GLIS3: variants seen among roughly 807,000 people sequenced by gnomAD.
The protein encoded by GLIS3 is GLIS family zinc finger 3, also known as zinc finger protein GLIS3.
Under a neutral mutation model 78.6 loss-of-function variants are expected in GLIS3, and 53 were observed. The observed-to-expected ratio is 0.67, with a 90% CI of 0.54 to 0.85. The LOEUF (loss-of-function observed/expected upper bound fraction) is 0.85, where lower values mean the gene tolerates loss of function less well. Ranked by LOEUF, GLIS3 falls within the 40% of genes least tolerant of loss-of-function variation. The pLI, the probability that GLIS3 is intolerant of heterozygous loss-of-function variation, is 0.00. For synonymous variants in GLIS3, 684 were observed against 509.9 expected (o/e 1.34, Z -4.60); for missense variants, 1,703 against 1,231.1 (o/e 1.38, Z -5.74).
intron 1 of GLIS3, among the ~76,000 whole-genome samples, chr9:4,292,866 G>T (rs1372876719): frequency 6.6e-6 from 1 of 152,168 alleles, no homozygotes; most frequent in Non-Finnish European, 1.5e-5. Flanking sequence ...CTTAATATGA[G>T]TTAGCCATCA....
At chr9:4,280,073 G>A (rs1043413215) in intron 2 of GLIS3, among the ~76,000 whole-genome samples, 1 of 152,190 alleles carries the variant, frequency 6.6e-6, no homozygotes, top group African/African-American at 2.4e-5. Context: ...AGGCTTGAGT[G>A]CAGTGGCACA....
intron 4 of GLIS3, among the ~76,000 whole-genome samples, chr9:3,947,025 C>T (rs1277589861): frequency 6.6e-6 from 1 of 152,186 alleles, no homozygotes; most frequent in Admixed American, 6.5e-5. Flanking sequence ...CGACGCCACG[C>T]CTCTGTCGGC....
At chr9:4,026,544 A>G (rs1382133774) in intron 4 of GLIS3, among the ~76,000 whole-genome samples, 1 of 152,190 alleles carries the variant, frequency 6.6e-6, no homozygotes, top group African/African-American at 2.4e-5. Context: ...CTATCTATCT[A>G]TCTAAGTATA....
chr9:4,130,163 A>G (rs1832869663), intron 2 of GLIS3, among the ~76,000 whole-genome samples: 3 of 152,326 alleles, frequency 2.0e-5, no homozygotes, highest in Admixed American at 1.3e-4. Flanking sequence ...GTGTTTATAT[A>G]TGTGAGCAAA....
chr9:4,048,765 T>A (rs1825464110), intron 4 of GLIS3, among the ~76,000 whole-genome samples: 2 of 152,178 alleles, frequency 1.3e-5, no homozygotes, highest in Non-Finnish European at 2.9e-5. Flanking sequence ...CAGCCACCCA[T>A]CAGGTGACTA....
chr9:4,240,200 G>A (rs867915692), intron 2 of GLIS3, among the ~76,000 whole-genome samples: 6 of 151,848 alleles, frequency 4.0e-5, no homozygotes, highest in Admixed American at 1.3e-4. Context: ...GGAGGTGGGG[G>A]GGGGGGATGG....
intron 8 of GLIS3, among the ~76,000 whole-genome samples, chr9:3,863,960 G>C (rs1197097724): frequency 6.6e-6 from 1 of 152,146 alleles, no homozygotes; most frequent in Non-Finnish European, 1.5e-5. Context: ...GACCAAGAGA[G>C]GAGTTTTCTG....
intron 4 of GLIS3, among the ~76,000 whole-genome samples, chr9:3,971,531 G>T (rs937739235): frequency 1.3e-5 from 2 of 152,124 alleles, no homozygotes; most frequent in East Asian, 1.9e-4. Flanking sequence ...AATGAAAAGG[G>T]ATCTATTGCA....
chr9:3,839,495 G>A (rs1818585616), intron 9 of GLIS3, among the ~76,000 whole-genome samples: 1 of 151,884 alleles, frequency 6.6e-6, no homozygotes, highest in South Asian at 2.1e-4. Flanking sequence ...TTTACTCAGA[G>A]ACAGGCATTG....
At chr9:4,012,411 T>A (rs1251984524) in intron 4 of GLIS3, among the ~76,000 whole-genome samples, 4 of 152,140 alleles carry the variant, frequency 2.6e-5, no homozygotes, top group Admixed American at 6.5e-5. Context: ...TTATATGTCT[T>A]TTTTTACCTG....
intron 4 of GLIS3, among the ~76,000 whole-genome samples, chr9:4,041,688 G>A (rs908345751): frequency 1.6e-4 from 24 of 152,102 alleles, no homozygotes; most frequent in African/African-American, 5.6e-4. Flanking sequence ...GGAATCTAAC[G>A]TCACAAAGTC....
intron 4 of GLIS3, among the ~76,000 whole-genome samples, chr9:4,102,782 A>G (rs1440739932): frequency 1.3e-5 from 2 of 152,186 alleles, no homozygotes; most frequent in Non-Finnish European, 2.9e-5. Flanking sequence ...AGCACTGGAT[A>G]TGCTTTTTTT....
At chr9:4,441,659 T>C in the GLIS3 span, among the ~76,000 whole-genome samples, 4 of 152,200 alleles carry the variant, frequency 2.6e-5, no homozygotes. Flanking sequence ...CAGGCTGGAA[T>C]GCAGTCATGT....
At position 4,312,727 on chromosome 9, in the gene GLIS3, G is replaced by C. The variant is rs889216885; in HGVS notation, n.265-2199C>G. ...GCTCTGCTCACTTCGTTGTGGCTTA[G>C]TGGAACTGAAGGAGGCCTTGGGGCT... On this transcript the variant is annotated intron_variant and non_coding_transcript_variant, in intron 2 of 4. Transcript: ENST00000471664. Among the ~76,000 whole-genome samples, 6 of 152,164 alleles carry C rather than the reference G, an allele frequency of 3.9e-5. No individual in the cohort carries two copies. In the East Asian group the frequency reaches 5.8e-4, roughly 15 times the overall value.
At chr9:4,282,489 C>T (rs1349358626) in intron 2 of GLIS3, among the ~76,000 whole-genome samples, 1 of 152,212 alleles carries the variant, frequency 6.6e-6, no homozygotes, top group Non-Finnish European at 1.5e-5. Context: ...GCCTGATTGC[C>T]TTCCAACTGG....
intron 2 of GLIS3, among the ~76,000 whole-genome samples, chr9:4,252,793 T>C (rs1824523849): frequency 6.6e-6 from 1 of 152,172 alleles, no homozygotes; most frequent in Non-Finnish European, 1.5e-5. Flanking sequence ...CGTGGGGTTT[T>C]TGTGTGGACG....
chr9:4,275,089 G>T (rs767677443), intron 2 of GLIS3, among the ~76,000 whole-genome samples: 2 of 152,140 alleles, frequency 1.3e-5, no homozygotes, highest in African/African-American at 2.4e-5. Flanking sequence ...CACATTCATA[G>T]TATCTGCCTG....
intron 4 of GLIS3, among the ~76,000 whole-genome samples, chr9:4,022,972 C>T (rs771701161): frequency 6.6e-6 from 1 of 152,066 alleles, no homozygotes; most frequent in Non-Finnish European, 1.5e-5. Context: ...TAAAAATGCT[C>T]TCTCTGTTGT....
the GLIS3 span, among the ~76,000 whole-genome samples, chr9:4,380,345 T>C: frequency 1.3e-5 from 2 of 152,288 alleles, no homozygotes; most frequent in African/African-American, 4.8e-5. Flanking sequence ...AAGATAACAA[T>C]TGGCTCTAAG....
Sources: gnomAD v4.1 joint callset for allele counts (sites outside exome capture counted in the v4.1 genomes callset) on GRCh38, gnomAD v4.1.1 for gene constraint, MANE v1.5 for transcripts, NCBI Gene and HGNC (gene_info 2026-07-23, HGNC 2026-07-21) for gene names.